The following ANXA10 variants were observed in gnomAD, a reference collection of about 807,000 sequenced individuals.
ANXA10 encodes annexin A10.
In ANXA10, 49 loss-of-function variants were observed where a neutral mutation model predicts 53.5. That is an observed-to-expected ratio of 0.92 (90% CI 0.73 to 1.16). The LOEUF is 1.16. Ranked by LOEUF, ANXA10 falls within the 50% of genes most tolerant of loss-of-function variation. The probability of loss-of-function intolerance (pLI) is 0.00; values close to 1 mark genes in which losing one functional copy is unlikely to be tolerated. For missense variants in ANXA10, 393 were observed against 394.4 expected (o/e 1.00, Z 0.03); for synonymous variants, 131 against 128.9 (o/e 1.02, Z -0.11).
At chr4:168,151,752 A>G (rs1422102953) in intron 3 of ANXA10, among the ~76,000 whole-genome samples, 1 of 152,226 alleles carries the variant, frequency 6.6e-6, no homozygotes, top group Non-Finnish European at 1.5e-5. Context: ...TTATCTTCCC[A>G]ACTGAAAGTA....
At chr4:168,126,508 T>C (rs1731072099) in intron 1 of ANXA10, among the ~76,000 whole-genome samples, 1 of 152,144 alleles carries the variant, frequency 6.6e-6, no homozygotes, top group Non-Finnish European at 1.5e-5. Context: ...ACTCTATCTT[T>C]TGCATCTCAT....
At chr4:168,110,027 G>A (rs1280212856) in intron 1 of ANXA10, among the ~76,000 whole-genome samples, 4 of 152,080 alleles carry the variant, frequency 2.6e-5, no homozygotes, top group South Asian at 4.1e-4. Flanking sequence ...TGGCGAAGAC[G>A]GTGAAACCCC....
At chr4:168,118,083 G>A (rs957146505) in intron 1 of ANXA10, among the ~76,000 whole-genome samples, 9 of 152,094 alleles carry the variant, frequency 5.9e-5, no homozygotes, top group African/African-American at 7.2e-5. Context: ...TATCACTGCC[G>A]GAGATTCTTT....
At chr4:168,182,935 T>G (rs1386114790) in intron 10 of ANXA10, among the ~76,000 whole-genome samples, 1 of 139,858 alleles carries the variant, frequency 7.2e-6, no homozygotes, top group African/African-American at 2.7e-5. Flanking sequence ...GCCTGAACCC[T>G]GGAGGCGGAG....
chr4:168,139,576 G>A lies in ANXA10; in HGVS notation c.191G>A (p.Gly64Asp), dbSNP rs1731294851. Reference protein sequence around the residue: ...MIAEAYQSMYGRDLIGDMREQ... With the variant: ...MIAEAYQSMYDRDLIGDMREQ... The stretch of plus-strand genomic sequence containing the variant: ...GCAGAGGCATACCAGAGCATGTATG[G>A]CCGGGTAAGGCCACTTTATCTTGAC... The change falls in exon 3 of 12, where the codon GGC becomes GAC. Residue 64 changes from glycine to aspartate, a missense_variant. Transcript: ENST00000359299. 2 of 1,607,648 alleles carry A rather than the reference G, an allele frequency of 1.2e-6. No individual in the cohort carries two copies. Among genetic ancestry groups the A allele is most frequent in the Non-Finnish European group, 1.7e-6 (2 of 1,174,998 alleles).
intron 1 of ANXA10, among the ~76,000 whole-genome samples, chr4:168,109,664 T>C (rs1432466797): frequency 6.6e-6 from 1 of 152,216 alleles, no homozygotes; most frequent in Non-Finnish European, 1.5e-5. Context: ...CAGATGAATC[T>C]GAAGATCTTT....
chr4:168,098,066 A>T (rs1419714033), intron 1 of ANXA10, among the ~76,000 whole-genome samples: 1 of 151,994 alleles, frequency 6.6e-6, no homozygotes, highest in Admixed American at 6.6e-5. Flanking sequence ...TAACATTAAT[A>T]CAGTGTGCCC....
intron 9 of ANXA10, among the ~76,000 whole-genome samples, chr4:168,180,102 A>C (rs554763828): frequency 1.3e-5 from 2 of 152,288 alleles, no homozygotes; most frequent in Admixed American, 1.3e-4. Flanking sequence ...GAGAGCTGAC[A>C]GATAAAGGAA....
In ANXA10 at chr4:168,162,580, T is replaced by C; in HGVS notation, c.248T>C (p.Met83Thr). 1 of 1,613,986 alleles carries C rather than the reference T, an allele frequency of 6.2e-7. No individual in the cohort carries two copies. The highest frequency in any genetic ancestry group is 8.5e-7 in the Non-Finnish European group (1 of 1,179,904). The change falls in exon 4 of 12, where the codon ATG becomes ACG. Residue 83 changes from methionine to threonine, a missense_variant. Met to Thr is a moderately conservative substitution (Grantham distance 81). Coordinates refer to ENST00000359299, the MANE Select transcript of ANXA10 (RefSeq NM_007193.5). ...EQLSDHFKDV[M>T]AGLMYPPPLY... ...CTTTCGGATCACTTCAAAGATGTGA[T>C]GGCTGGCCTCATGTACCCACCACCA...
At chr4:168,096,926 A>ATATATGTGTATATATATATATATATG (rs371811709) in intron 1 of ANXA10, among the ~76,000 whole-genome samples, 6 of 129,916 alleles carry the variant, frequency 4.6e-5, no homozygotes, top group East Asian at 2.1e-4. Flanking sequence ...ATATATATAT[A>ATATATGTGTATATATATATATATATG]TATGTATGTA....
At chr4:168,184,296 C>G in intron 10 of ANXA10, among the ~76,000 whole-genome samples, 1 of 152,212 alleles carries the variant, frequency 6.6e-6, no homozygotes, top group East Asian at 1.9e-4. Context: ...GGGTCAGAGT[C>G]AAGGTCGTGG....
intron 3 of ANXA10, among the ~76,000 whole-genome samples, chr4:168,147,255 T>G (rs1731421099): frequency 1.3e-5 from 2 of 152,194 alleles, no homozygotes; most frequent in Non-Finnish European, 2.9e-5. Context: ...TATGGGAATA[T>G]CAGGCATCAG....
chr4:168,117,161 T>C (rs1319919250), intron 1 of ANXA10, among the ~76,000 whole-genome samples: 2 of 152,152 alleles, frequency 1.3e-5, no homozygotes, highest in African/African-American at 2.4e-5. Flanking sequence ...GAAGATCACT[T>C]GAGCCTGGTT....
intron 1 of ANXA10, among the ~76,000 whole-genome samples, chr4:168,093,578 G>A (rs1730494254): frequency 6.6e-6 from 1 of 152,166 alleles, no homozygotes; most frequent in Non-Finnish European, 1.5e-5. Flanking sequence ...TCAGGAGACT[G>A]AGGCAAGAGA....
At chr4:168,171,720 A>G (rs2149479109) in intron 6 of ANXA10, among the ~76,000 whole-genome samples, 1 of 152,350 alleles carries the variant, frequency 6.6e-6, no homozygotes, top group African/African-American at 2.4e-5. Context: ...AACTAATGCC[A>G]ATTATTAAAC....
rs187426353 is a variant in ANXA10 at position 168,106,728 on chromosome 4, G to A, written c.18+14010G>A. On this transcript the variant is annotated intron_variant, in intron 1 of 11. Transcript: ENST00000359299. ...TATGTCTGTTATCACAAGGGAAATG[G>A]AAAGGAGGTTGTAACATTTTCTGGC... 9.2e-5 allele frequency among the ~76,000 whole-genome samples: 14 copies of A among 152,200 alleles called. No homozygotes were observed. The East Asian group carries it at 2.7e-3, about 29-fold the overall frequency.
At chr4:168,127,989 G>A (rs1731099392) in intron 1 of ANXA10, 95 bp from the exon 2 acceptor site, 9 of 1,129,514 alleles carry the variant, frequency 8.0e-6, no homozygotes, top group South Asian at 4.0e-5. Flanking sequence ...CTCCCAAAGT[G>A]CAGAGATTAC....
At chr4:168,106,235 A>T (rs562874542) in intron 1 of ANXA10, among the ~76,000 whole-genome samples, 1 of 152,230 alleles carries the variant, frequency 6.6e-6, no homozygotes, top group East Asian at 1.9e-4. Context: ...AAACAATTTT[A>T]GGTCAACAAT....
chr4:168,180,952 C>T (rs901717469), intron 9 of ANXA10, among the ~76,000 whole-genome samples: 3 of 151,832 alleles, frequency 2.0e-5, no homozygotes, highest in African/African-American at 7.3e-5. Context: ...CATAGTTTCC[C>T]CTTAAGAGAT....
Sources: allele counts gnomAD v4.1 joint callset (sites outside exome capture counted in the v4.1 genomes callset), GRCh38; gene constraint gnomAD v4.1.1; transcripts MANE v1.5; gene names NCBI Gene and HGNC (gene_info 2026-07-23, HGNC 2026-07-21).